Variants in CNTN3 observed in about 807,000 individuals in gnomAD.
The protein encoded by CNTN3 is contactin-3.
In CNTN3, 60 loss-of-function variants were observed where a neutral mutation model predicts 119.1. That is an observed-to-expected ratio of 0.50 (90% CI 0.41 to 0.62). The LOEUF is 0.62. CNTN3 is among the 20% of genes least tolerant of loss of function. CNTN3 has a pLI of 0.00. For missense variants in CNTN3, 1,101 were observed against 1,242.4 expected, an observed-to-expected ratio of 0.89 and a Z score of 1.71; for synonymous variants, 450 against 438.7, an observed-to-expected ratio of 1.03 and a Z score of -0.32.
intron 1 of CNTN3, among the ~76,000 whole-genome samples, chr3:74,613,997 C>T (rs955041672): frequency 1.3e-5 from 2 of 152,146 alleles, no homozygotes; most frequent in African/African-American, 4.8e-5. Flanking sequence ...GTGGTTCCAG[C>T]AAAGAGGTAT....
intron 11 of CNTN3, among the ~76,000 whole-genome samples, chr3:74,349,218 A>G (rs549560): frequency 0.45 from 68,603 of 152,088 alleles, 18,971 homozygotes; most frequent in African/African-American, 0.8. Flanking sequence ...AGAGGCTTAG[A>G]GTACAAACAG....
chr3:74,494,700 G>T (rs539214189), intron 3 of CNTN3, among the ~76,000 whole-genome samples: 95 of 152,120 alleles, frequency 6.2e-4, no homozygotes, highest in Non-Finnish European at 2.6e-4. Context: ...TCCATTATTT[G>T]TTTTCCACCT....
chr3:74,399,636 TA>T (rs1705142968), intron 5 of CNTN3, among the ~76,000 whole-genome samples: 1 of 152,210 alleles, frequency 6.6e-6, no homozygotes, highest in Admixed American at 6.5e-5. Flanking sequence ...GAATGATTTA[TA>T]TTCCTTTGGG....
intron 5 of CNTN3, among the ~76,000 whole-genome samples, chr3:74,417,604 T>C (rs1336447110): frequency 6.6e-6 from 1 of 152,274 alleles, no homozygotes; most frequent in East Asian, 1.9e-4. Context: ...CAGGCTCAAT[T>C]AATATTTTAA....
intron 11 of CNTN3, among the ~76,000 whole-genome samples, chr3:74,346,768 TCC>T: frequency 6.6e-6 from 1 of 151,846 alleles, no homozygotes; most frequent in Non-Finnish European, 1.5e-5. Flanking sequence ...CATCCATCCA[TCC>T]ATCCATCCAT....
chr3:74,332,155 A>G (rs2106702257), intron 13 of CNTN3, among the ~76,000 whole-genome samples: 1 of 152,352 alleles, frequency 6.6e-6, no homozygotes, highest in African/African-American at 2.4e-5. Context: ...GAAACGGGAT[A>G]TATCTATGAA....
chr3:74,431,428 T>C (rs532696624), intron 4 of CNTN3, among the ~76,000 whole-genome samples: 3 of 152,152 alleles, frequency 2.0e-5, no homozygotes, highest in Non-Finnish European at 4.4e-5. Context: ...CTGTACGACT[T>C]AAAATCAACC....
chr3:74,609,700 G>T (rs1478488098), intron 1 of CNTN3, among the ~76,000 whole-genome samples: 1 of 152,112 alleles, frequency 6.6e-6, no homozygotes, highest in Non-Finnish European at 1.5e-5. Context: ...TTCTTGACAG[G>T]ATCTTTGGTT....
At chr3:74,491,311 G>A (rs1258017673) in intron 3 of CNTN3, among the ~76,000 whole-genome samples, 8 of 150,432 alleles carry the variant, frequency 5.3e-5, no homozygotes, top group Non-Finnish European at 3.0e-5. Flanking sequence ...GACCAGCCTG[G>A]GCAACACGGA....
intron 1 of CNTN3, among the ~76,000 whole-genome samples, chr3:74,584,027 C>T (rs573513578): frequency 6.6e-6 from 1 of 152,192 alleles, no homozygotes; most frequent in East Asian, 1.9e-4. Flanking sequence ...GGGAACAATA[C>T]TTATTTCTTT....
At chr3:74,325,119 CAA>C (rs111394338) in intron 13 of CNTN3, among the ~76,000 whole-genome samples, 34 of 142,842 alleles carry the variant, frequency 2.4e-4, no homozygotes, top group Admixed American at 8.4e-4. Flanking sequence ...TTGTCTTTGG[CAA>C]AAAAAAAAAA....
chr3:74,406,765 T>TAC (rs1705333871), intron 5 of CNTN3, among the ~76,000 whole-genome samples: 1 of 90,086 alleles, frequency 1.1e-5, no homozygotes, highest in African/African-American at 2.6e-5. Context: ...TGCACATATA[T>TAC]GCACACACAC....
At chr3:74,491,368 T>C (rs1412788838) in intron 3 of CNTN3, among the ~76,000 whole-genome samples, 3 of 151,844 alleles carry the variant, frequency 2.0e-5, no homozygotes, top group Non-Finnish European at 4.4e-5. Flanking sequence ...CCAGGTGTGA[T>C]GGCATGTGCT....
intron 5 of CNTN3, among the ~76,000 whole-genome samples, chr3:74,380,266 T>C (rs1484043323): frequency 6.6e-6 from 1 of 152,240 alleles, no homozygotes; most frequent in African/African-American, 2.4e-5. Flanking sequence ...CTGCTTTGTG[T>C]GCTGAAAGAA....
intron 5 of CNTN3, among the ~76,000 whole-genome samples, chr3:74,407,516 G>T (rs1701354424): frequency 6.7e-6 from 1 of 149,508 alleles, no homozygotes; most frequent in Non-Finnish European, 1.5e-5. Flanking sequence ...CAGGTGATCT[G>T]CCCACCTCGG....
At chr3:74,332,840 A>C (rs1386451677) in intron 13 of CNTN3, among the ~76,000 whole-genome samples, 1 of 152,228 alleles carries the variant, frequency 6.6e-6, no homozygotes, top group Non-Finnish European at 1.5e-5. Flanking sequence ...AAGTAGTAGA[A>C]GAGCTGGATT....
At chr3:74,391,557 C>CTTTTTTTTTTTTTTTTTTTTTTTTTTTTT (rs554976641) in intron 5 of CNTN3, among the ~76,000 whole-genome samples, 2 of 87,030 alleles carry the variant, frequency 2.3e-5, no homozygotes, top group African/African-American at 4.7e-5. Context: ...CCCATAGTTT[C>CTTTTTTTTTTTTTTTTTTTTTTTTTTTTT]TTTTTTTTTT....
chr3:74,540,933 C>G lies in CNTN3; in HGVS notation c.-80-19741G>C, dbSNP rs531120430. Among the ~76,000 whole-genome samples, 18 of 152,168 alleles carry G rather than the reference C, an allele frequency of 1.2e-4. No homozygotes were observed. The South Asian group carries it at 3.5e-3, about 30-fold the overall frequency. ...GTGCTATGTAGCCTATTTCTTCTAT[C>G]AAAATACTTTAAATTTATTGCTTTA... On this transcript the variant is annotated intron_variant, in intron 1 of 22. Coordinates refer to ENST00000263665, the MANE Select transcript of CNTN3 (RefSeq NM_020872.3).
intron 1 of CNTN3, among the ~76,000 whole-genome samples, chr3:74,601,216 C>T (rs569531304): frequency 3.3e-5 from 5 of 152,024 alleles, no homozygotes; most frequent in African/African-American, 1.2e-4. Flanking sequence ...TAGATTTATA[C>T]AGTAGAAACC....
Sources: allele counts gnomAD v4.1 joint callset (sites outside exome capture counted in the v4.1 genomes callset), GRCh38; gene constraint gnomAD v4.1.1; transcripts MANE v1.5; gene names NCBI Gene and HGNC (gene_info 2026-07-23, HGNC 2026-07-21).